PRELID2: variants seen among roughly 807,000 people sequenced by gnomAD.
The protein encoded by PRELID2 is PRELI domain containing 2.
Under a neutral mutation model 28.4 loss-of-function variants are expected in PRELID2, and 25 were observed. That is an observed-to-expected ratio of 0.88 (90% CI 0.64 to 1.23). The LOEUF is 1.23. Among genes scored for constraint, PRELID2 ranks in the 50% most tolerant of loss-of-function variants. The pLI is 0.00. For synonymous variants in PRELID2, 76 were observed against 71.6 expected (o/e 1.06, Z -0.31); for missense variants, 201 against 214.4 (o/e 0.94, Z 0.39).
intron 1 of PRELID2, among the ~76,000 whole-genome samples, chr5:145,665,694 T>C (rs1018765214): frequency 5.3e-5 from 8 of 152,204 alleles, no homozygotes; most frequent in Middle Eastern, 3.4e-3. Flanking sequence ...CACTATGTCC[T>C]GGTCACCCCA....
intron 1 of PRELID2, among the ~76,000 whole-genome samples, chr5:145,613,689 T>C (rs895997953): frequency 6.6e-6 from 1 of 152,172 alleles, no homozygotes; most frequent in Non-Finnish European, 1.5e-5. Flanking sequence ...CTTTTCTTAC[T>C]GATTTGTTTG....
At chr5:145,547,389 G>A (rs1029456322) in intron 1 of PRELID2, among the ~76,000 whole-genome samples, 9 of 152,114 alleles carry the variant, frequency 5.9e-5, no homozygotes, top group South Asian at 2.1e-4. Context: ...ACATGGACCC[G>A]GCCTTTCCTC....
intron 1 of PRELID2, among the ~76,000 whole-genome samples, chr5:145,526,338 T>C (rs552542450): frequency 7.2e-5 from 11 of 152,094 alleles, no homozygotes; most frequent in African/African-American, 2.7e-4. Context: ...GAGAGCATAA[T>C]GAAGGGACAC....
At chr5:145,821,152 G>GGGGTGTGTGTGTGTGTGT (rs1471788872) in intron 2 of PRELID2, among the ~76,000 whole-genome samples, 36 of 88,262 alleles carry the variant, frequency 4.1e-4, no homozygotes, top group African/African-American at 1.3e-3. Context: ...AACTCTCCTG[G>GGGGTGTGTGTGTGTGTGT]GTGTGTGTGT....
In PRELID2 at chr5:145,616,932, C is replaced by G. The variant is rs554277390; in HGVS notation, n.71-143617G>C. ...CTTTGACCATAAAAGACGGCCACCCCCCGAAGCGGCCATTTTAGAAGCCTA... is the reference window on the plus strand; with the variant it reads ...CTTTGACCATAAAAGACGGCCACCCGCCGAAGCGGCCATTTTAGAAGCCTA... On this transcript the variant is annotated intron_variant and non_coding_transcript_variant, in intron 1 of 2. Coordinates refer to the PRELID2 transcript ENST00000510259. Among the ~76,000 whole-genome samples, 259 of 152,180 alleles carry G rather than the reference C, an allele frequency of 1.7e-3. 1 individual carries two copies. Among genetic ancestry groups the G allele is most frequent in the African/African-American group, 6.1e-3 (252 of 41,500 alleles).
chr5:145,468,607 A>G (rs1256951612), downstream of PRELID2, among the ~76,000 whole-genome samples: 3 of 152,156 alleles, frequency 2.0e-5, no homozygotes, highest in Non-Finnish European at 4.4e-5. Context: ...AATGATCGCC[A>G]TTCTAACTGG....
chr5:145,332,814 C>A, the PRELID2 span, among the ~76,000 whole-genome samples: 4 of 152,060 alleles, frequency 2.6e-5, no homozygotes, highest in South Asian at 4.1e-4. Flanking sequence ...CCCTTGCTGG[C>A]AAGGAATTGT....
chr5:145,704,992 T>G (rs1755506703), intron 1 of PRELID2, among the ~76,000 whole-genome samples: 1 of 152,168 alleles, frequency 6.6e-6, no homozygotes, highest in African/African-American at 2.4e-5. Flanking sequence ...TCCCCTATTT[T>G]TAAAGTCAGT....
chr5:145,626,061 T>C (rs1384363734), intron 1 of PRELID2, among the ~76,000 whole-genome samples: 1 of 152,066 alleles, frequency 6.6e-6, no homozygotes, highest in African/African-American at 2.4e-5. Flanking sequence ...AAATAAGACC[T>C]GAAAGTATAA....
At chr5:145,569,086 T>C (rs1473743854) in intron 1 of PRELID2, among the ~76,000 whole-genome samples, 1 of 152,196 alleles carries the variant, frequency 6.6e-6, no homozygotes, top group African/African-American at 2.4e-5. Context: ...GAACATCAGA[T>C]AGCATCCTCA....
At chr5:145,439,610 G>A in the PRELID2 span, among the ~76,000 whole-genome samples, 15 of 151,988 alleles carry the variant, frequency 9.9e-5, no homozygotes, top group East Asian at 2.9e-3. Context: ...TCCCTATCTT[G>A]ACTGCTGGCC....
the PRELID2 span, among the ~76,000 whole-genome samples, chr5:145,361,893 G>A: frequency 1.6e-3 from 243 of 152,180 alleles, 4 homozygotes; most frequent in East Asian, 0.038. Context: ...CCCAGATTTC[G>A]GTTGAAAGTT....
intron 5 of PRELID2, among the ~76,000 whole-genome samples, chr5:145,774,548 G>T (rs1242524474): frequency 6.6e-6 from 1 of 152,168 alleles, no homozygotes; most frequent in African/African-American, 2.4e-5. Context: ...CTGACTAGGG[G>T]CCCCTCATAA....
At chr5:145,413,087 C>T in the PRELID2 span, among the ~76,000 whole-genome samples, 1 of 152,204 alleles carries the variant, frequency 6.6e-6, no homozygotes, top group South Asian at 2.1e-4. Flanking sequence ...TATCACTATG[C>T]ATCCAACAAA....
At chr5:145,513,778 C>T (rs1346316119) in intron 1 of PRELID2, among the ~76,000 whole-genome samples, 1 of 152,178 alleles carries the variant, frequency 6.6e-6, no homozygotes, top group Non-Finnish European at 1.5e-5. Flanking sequence ...GGAAGCTCAT[C>T]AGATTAACGG....
At chr5:145,537,816 T>C (rs1461521495) in intron 1 of PRELID2, among the ~76,000 whole-genome samples, 1 of 151,898 alleles carries the variant, frequency 6.6e-6, no homozygotes, top group Admixed American at 6.6e-5. Flanking sequence ...ATAGTTTTCT[T>C]TGCTGTGCAA....
chr5:145,784,537 A>C (rs556154709), intron 5 of PRELID2, among the ~76,000 whole-genome samples: 37 of 152,338 alleles, frequency 2.4e-4, no homozygotes, highest in African/African-American at 8.2e-4. Context: ...AATAAGCATG[A>C]AAGGTCTTAG....
intron 1 of PRELID2, among the ~76,000 whole-genome samples, chr5:145,529,753 G>T (rs192626845): frequency 5.9e-5 from 9 of 152,264 alleles, no homozygotes; most frequent in African/African-American, 2.2e-4. Flanking sequence ...TACAAAATAT[G>T]TGTCTGCTTT....
At chr5:145,507,255 C>T (rs1752420043) in intron 1 of PRELID2, among the ~76,000 whole-genome samples, 1 of 152,014 alleles carries the variant, frequency 6.6e-6, no homozygotes, top group South Asian at 2.1e-4. Context: ...AGACTATGTA[C>T]TATGTCATAT....
Sources: allele counts gnomAD v4.1 joint callset (sites outside exome capture counted in the v4.1 genomes callset), GRCh38; gene constraint gnomAD v4.1.1; transcripts MANE v1.5; gene names NCBI Gene and HGNC (gene_info 2026-07-23, HGNC 2026-07-21).